RORC: variants seen among roughly 807,000 people sequenced by gnomAD.
RORC encodes the protein nuclear receptor ROR-gamma.
Under a neutral mutation model 64.5 loss-of-function variants are expected in RORC, and 13 were observed. That is an observed-to-expected ratio of 0.20 (90% CI 0.13 to 0.32). RORC has a LOEUF of 0.32. RORC is among the 10% of genes least tolerant of loss of function. The pLI is 1.00. For missense variants in RORC, 468 were observed against 669.5 expected (o/e 0.70, Z 3.32); for synonymous variants, 277 against 259.3 (o/e 1.07, Z -0.65).
intron 6 of RORC, chr1:151,814,322 G>C (rs1651659806): frequency 2.3e-6 from 1 of 444,034 alleles, no homozygotes. Flanking sequence ...CTGCATGGTA[G>C]AGGAGGTAGG....
chr1:151,807,753 C>T lies in RORC; in HGVS notation c.1396-120G>A. ...CCTTGCCTTCCCCTTATGTACTTGG[C>T]ACTTTGGCACCAGCCAAATCCCACT... On this transcript the variant is annotated intron_variant, in intron 10 of 10. Coordinates refer to ENST00000318247, the MANE Select transcript of RORC (RefSeq NM_005060.4). The surrounding 1 kb of genome is among the most constrained non-coding windows in gnomAD (Gnocchi z 5.0). 9.5e-7 allele frequency: 1 copy of T among 1,053,824 alleles called. No individual in the cohort carries two copies. The highest frequency in any genetic ancestry group is 1.4e-6 in the Non-Finnish European group (1 of 733,686). 65.3% of individuals were successfully genotyped at this position (1,053,824 alleles called of 1,614,324 possible).
chr1:151,829,204 G>A (rs4845604), intron 2 of RORC, among the ~76,000 whole-genome samples: 25,100 of 149,112 alleles, frequency 0.17, 2,369 homozygotes, highest in African/African-American at 0.26. Flanking sequence ...GTTCTCTCCT[G>A]GTTTCTTTAC....
chr1:151,815,142 C>G lies in RORC; in HGVS notation c.582G>C (p.Gly194=). ...CAAGGTGGCATGAGGCCCCATTGAG[C>G]CCTGCCTTGGCCAAGTTGTTGGAAT... is the stretch of plus-strand genomic sequence containing the variant. ...PSYSNNLAKA[G]LNGASCHLEY... The change falls in exon 5 of 11, where the codon GGG becomes GGC. Residue 194 remains glycine (G), a synonymous_variant. Transcript: ENST00000318247. The G allele has an allele frequency of 2.5e-6, 4 of 1,614,056 alleles. No individual in the cohort carries two copies. The highest frequency in any genetic ancestry group is 3.4e-6 in the Non-Finnish European group (4 of 1,179,956).
At position 151,830,621 on chromosome 1, in the gene RORC, T is replaced by C. The variant is rs867045881; in HGVS notation, c.40+1104A>G. On this transcript the variant is annotated intron_variant, in intron 1 of 10. Coordinates refer to ENST00000318247, the MANE Select transcript of RORC (RefSeq NM_005060.4). This position sits in a 1 kb window ranked among gnomAD's most constrained non-coding sequence, Gnocchi z 4.0. ...TGCTGTTCAGTCTTGACACCTGACATACACACACACACACACACACACACA... is the reference window on the plus strand; with the variant it reads ...TGCTGTTCAGTCTTGACACCTGACACACACACACACACACACACACACACA... Among the ~76,000 whole-genome samples, 65 of 57,180 alleles carry C rather than the reference T, an allele frequency of 1.1e-3. No homozygotes were observed. Among genetic ancestry groups the C allele is most frequent in the East Asian group, 6.1e-3 (9 of 1,476 alleles). 37.5% of individuals were successfully genotyped at this position (57,180 alleles called of 152,430 possible).
chr1:151,811,992 A>C (rs548247371), intron 9 of RORC: 4 of 152,456 alleles, frequency 2.6e-5, no homozygotes, highest in Admixed American at 2.6e-4. Flanking sequence ...AACTCAGGTT[A>C]GCAGCTTGAC....
chr1:151,829,281 C>T (rs1402789025), intron 2 of RORC, 148 bp downstream of exon 2: 14 of 668,418 alleles, frequency 2.1e-5, no homozygotes, highest in South Asian at 4.7e-5. Flanking sequence ...GTGGTTTCCT[C>T]GCACCTCCCC....
intron 2 of RORC, among the ~76,000 whole-genome samples, chr1:151,820,067 C>T (rs1572042037): frequency 1.3e-5 from 2 of 152,142 alleles, no homozygotes; most frequent in South Asian, 4.1e-4. Flanking sequence ...AGAAAATCCA[C>T]GCTTGTATCC....
In RORC at chr1:151,831,728, G is replaced by A. The variant is rs745629463; in HGVS notation, c.37C>T (p.Arg13Trp). ...GGCAGGGCCATGGGCCTCTTACCCC[G>A]TGAGGCTCGGTGCTGTCTCTGTGGG... ...RAPQRQHRAS[R>W]ELLAAKKTHT... Residue 13 changes from arginine to tryptophan, a missense_variant, in exon 1 of 11, where the codon CGG becomes TGG. By Grantham distance (101) the Arg-to-Trp change is moderately radical. Around this residue, in one of 5 missense-constraint regions of RORC, gnomAD observed 21 missense variants for 20.6 expected, o/e 1.02. Coordinates refer to ENST00000318247, the MANE Select transcript of RORC (RefSeq NM_005060.4). 5 of 1,610,702 alleles carry A rather than the reference G, an allele frequency of 3.1e-6. No individual in the cohort carries two copies. Among genetic ancestry groups the A allele is most frequent in the Non-Finnish European group, 2.5e-6 (3 of 1,179,928 alleles).
chr1:151,814,578 C>T lies in RORC; in HGVS notation c.929G>A (p.Arg310Lys), dbSNP rs201594795. The T allele has an allele frequency of 7.4e-6, 12 of 1,611,420 alleles. No homozygotes were observed. The highest frequency in any genetic ancestry group is 3.3e-5 in the Admixed American group (2 of 59,790). The change falls in exon 6 of 11, where the codon AGG becomes AAG. Residue 310 changes from arginine (R) to lysine (K), a missense_variant. Physicochemically the swap from Arg to Lys is conservative, Grantham distance 26. Around this residue, in one of 5 missense-constraint regions of RORC, gnomAD observed 100 missense variants for 190.8 expected, o/e 0.52. Coordinates refer to ENST00000318247, the MANE Select transcript of RORC (RefSeq NM_005060.4). ...FSREEVTGYQ[R>K]KSMWEMWERC... ...CTGCAGGTCTCCTGGCCTCACCTTC[C>T]TCTGGTAGCCAGTCACTTCCTCCCG...
At chr1:151,822,114 T>C (rs150056299) in intron 2 of RORC, among the ~76,000 whole-genome samples, 5 of 151,900 alleles carry the variant, frequency 3.3e-5, no homozygotes, top group Non-Finnish European at 7.4e-5. Context: ...TTCCTTAGCT[T>C]GAGCTCCTCC....
At chr1:151,825,883 C>T (rs202142079) in intron 2 of RORC, 279 of 1,610,086 alleles carry the variant, frequency 1.7e-4, no homozygotes, top group South Asian at 8.4e-4. Flanking sequence ...AGAGGGGTGA[C>T]GACAGGGTCC....
chr1:151,823,986 C>T (rs1216726559), intron 2 of RORC, among the ~76,000 whole-genome samples: 1 of 152,176 alleles, frequency 6.6e-6, no homozygotes. Flanking sequence ...TCCAGCTGGA[C>T]ATTACTCTCT....
intron 6 of RORC, chr1:151,813,826 A>C: frequency 1.7e-6 from 1 of 581,274 alleles, no homozygotes; most frequent in Non-Finnish European, 3.0e-6. Flanking sequence ...GGCTGCTGAC[A>C]CCGAGTTAGC....
rs59443678 is a variant in RORC at position 151,830,659 on chromosome 1, C to CACACACACACACACACACACACACACAT, written c.40+1065_40+1066insATGTGTGTGTGTGTGTGTGTGTGTGTGT. ...ACACACACACACACACACACACACA[C>CACACACACACACACACACACACACACAT]ACAGTGCCCTTCTGCCCGGGAGATG... is the stretch of plus-strand genomic sequence containing the variant. On this transcript the variant is annotated intron_variant, in intron 1 of 10. Coordinates refer to ENST00000318247, the MANE Select transcript of RORC (RefSeq NM_005060.4). The surrounding 1 kb of genome is among the most constrained non-coding windows in gnomAD (Gnocchi z 4.0). Among the ~76,000 whole-genome samples the CACACACACACACACACACACACACACAT allele has an allele frequency of 1.6e-3, 220 of 139,148 alleles. 10 individuals are homozygous for CACACACACACACACACACACACACACAT. Among genetic ancestry groups the CACACACACACACACACACACACACACAT allele is most frequent in the African/African-American group, 5.4e-3 (202 of 37,518 alleles). 91.3% of individuals were successfully genotyped at this position (139,148 alleles called of 152,430 possible).
intron 2 of RORC, 85 bp from the exon 3 acceptor site, chr1:151,817,365 C>T: frequency 1.1e-6 from 1 of 893,638 alleles, no homozygotes; most frequent in Non-Finnish European, 1.9e-6. Context: ...ATACAGGTAC[C>T]TGGTGCTTCC....
At chr1:151,814,376 G>C (rs1476282574) in intron 6 of RORC, 198 bp downstream of exon 6, 3 of 560,480 alleles carry the variant, frequency 5.4e-6, no homozygotes, top group Non-Finnish European at 9.5e-6. Flanking sequence ...CTAAGGAAAA[G>C]CGCTCATCCA....
At chr1:151,811,209 G>T (rs1651509296) in intron 10 of RORC, 116 bp downstream of exon 10, 2 of 596,428 alleles carry the variant, frequency 3.4e-6, no homozygotes, top group Non-Finnish European at 6.1e-6. Context: ...CTCTCTAACA[G>T]AGAGTGGTAC....
chr1:151,822,893 C>CG (rs1360494285), intron 2 of RORC, among the ~76,000 whole-genome samples: 1 of 152,260 alleles, frequency 6.6e-6, no homozygotes, highest in African/African-American at 2.4e-5. Context: ...AACAGGAGCG[C>CG]GGGCCTTGGG....
chr1:151,815,050 G>T lies in RORC; in HGVS notation c.674C>A (p.Thr225Asn), dbSNP rs1473076429. ...AAAACGAAGTCCACATCGGTCAGGGGTCAGCTGGCTGCCTGTGCTATAGAA... is the reference window on the plus strand; with the variant it reads ...AAAACGAAGTCCACATCGGTCAGGGTTCAGCTGGCTGCCTGTGCTATAGAA... ...ESFYSTGSQL[T>N]PDRCGLRFEE... Residue 225 changes from threonine (T) to asparagine (N), a missense_variant, in exon 5 of 11, where the codon ACC becomes AAC. Thr to Asn is a moderately conservative substitution (Grantham distance 65). Coordinates refer to ENST00000318247, the MANE Select transcript of RORC (RefSeq NM_005060.4). The T allele has an allele frequency of 6.2e-7, 1 of 1,614,140 alleles. No individual in the cohort carries two copies. The highest frequency in any genetic ancestry group is 8.5e-7 in the Non-Finnish European group (1 of 1,180,056).
Sources: allele counts gnomAD v4.1 joint callset (sites outside exome capture counted in the v4.1 genomes callset), GRCh38; gene constraint gnomAD v4.1.1; regional missense constraint gnomAD v4.1.1; non-coding constraint Gnocchi (gnomAD v3.1); transcripts MANE v1.5; gene names NCBI Gene and HGNC (gene_info 2026-07-23, HGNC 2026-07-21).